The following MARCHF1 variants were observed in gnomAD, a reference collection of about 807,000 sequenced individuals.
The protein encoded by MARCHF1 is E3 ubiquitin-protein ligase MARCHF1.
Under a neutral mutation model 54.2 loss-of-function variants are expected in MARCHF1, and 40 were observed. That is an observed-to-expected ratio of 0.74 (90% CI 0.57 to 0.96). MARCHF1 has a LOEUF of 0.96. MARCHF1 is among the 40% of genes least tolerant of loss of function. MARCHF1 has a pLI of 0.00. For missense variants in MARCHF1, 586 were observed against 656.5 expected, an observed-to-expected ratio of 0.89 and a Z score of 1.17; for synonymous variants, 236 against 236.3, an observed-to-expected ratio of 1.00 and a Z score of 0.01.
intron 7 of MARCHF1, among the ~76,000 whole-genome samples, chr4:163,588,203 C>T (rs547700988): frequency 6.6e-5 from 10 of 152,292 alleles, no homozygotes; most frequent in African/African-American, 2.4e-4. Flanking sequence ...ACTTAGGAAG[C>T]AGCCACATTG....
chr4:163,922,378 C>A (rs1326154464), intron 3 of MARCHF1, among the ~76,000 whole-genome samples: 3 of 151,928 alleles, frequency 2.0e-5, no homozygotes, highest in Non-Finnish European at 4.4e-5. Context: ...ATAAAAAAAT[C>A]AATATCGTTG....
At chr4:164,367,763 TTTAA>T (rs1296361653) in intron 1 of MARCHF1, among the ~76,000 whole-genome samples, 2 of 152,030 alleles carry the variant, frequency 1.3e-5, no homozygotes, top group Admixed American at 6.6e-5. Flanking sequence ...TAAATTGAAA[TTTAA>T]TTATCTTTTT....
intron 2 of MARCHF1, among the ~76,000 whole-genome samples, chr4:164,051,190 T>C (rs143514229): frequency 2.0e-4 from 31 of 152,300 alleles, no homozygotes; most frequent in African/African-American, 7.5e-4. Context: ...ATAATGATGC[T>C]CATCTCAAAG....
intron 3 of MARCHF1, among the ~76,000 whole-genome samples, chr4:163,951,832 C>CTA (rs1271030330): frequency 4.6e-5 from 7 of 152,068 alleles, no homozygotes; most frequent in Admixed American, 1.3e-4. Flanking sequence ...TCTCAATAAG[C>CTA]TATATATGAA....
intron 8 of MARCHF1, among the ~76,000 whole-genome samples, chr4:163,548,132 G>T (rs113383284): frequency 6.6e-6 from 1 of 151,942 alleles, no homozygotes; most frequent in East Asian, 1.9e-4. Flanking sequence ...GTTTATTGTC[G>T]TATTAATCTG....
At chr4:163,586,290 A>T (rs1191398559) in intron 7 of MARCHF1, among the ~76,000 whole-genome samples, 1 of 152,212 alleles carries the variant, frequency 6.6e-6, no homozygotes, top group East Asian at 1.9e-4. Context: ...AGCGTATATG[A>T]AACATAAATG....
chr4:163,755,621 CTT>C (rs35127585), intron 4 of MARCHF1, among the ~76,000 whole-genome samples: 4,304 of 144,422 alleles, frequency 0.03, 81 homozygotes, highest in East Asian at 0.077. Flanking sequence ...GCAAAGATCC[CTT>C]TTTTTTTTTT....
chr4:163,564,715 A>C (rs1176552669), intron 8 of MARCHF1, among the ~76,000 whole-genome samples: 2 of 152,234 alleles, frequency 1.3e-5, no homozygotes, highest in African/African-American at 4.8e-5. Context: ...GGTTTTAAAA[A>C]GCTCTTTCAA....
At chr4:163,816,968 T>C (rs1748550289) in intron 4 of MARCHF1, among the ~76,000 whole-genome samples, 1 of 152,108 alleles carries the variant, frequency 6.6e-6, no homozygotes, top group Non-Finnish European at 1.5e-5. Flanking sequence ...CCTAATTTGC[T>C]TGGTGAAGGC....
At chr4:164,129,581 C>CTA in intron 1 of MARCHF1, among the ~76,000 whole-genome samples, 1 of 152,098 alleles carries the variant, frequency 6.6e-6, no homozygotes. Context: ...GCATTTCAAG[C>CTA]TATATATATT....
chr4:163,949,725 A>G (rs1485108945), intron 3 of MARCHF1, among the ~76,000 whole-genome samples: 1 of 151,702 alleles, frequency 6.6e-6, no homozygotes, highest in Non-Finnish European at 1.5e-5. Flanking sequence ...CACAGTGGGT[A>G]GCTCCTCTCT....
chr4:163,540,542 C>T (rs1043079937), intron 9 of MARCHF1, among the ~76,000 whole-genome samples: 4 of 152,150 alleles, frequency 2.6e-5, no homozygotes, highest in African/African-American at 9.7e-5. Context: ...GTAATATTCA[C>T]CATGAGTAAT....
chr4:164,238,683 G>A (rs1471288365), intron 1 of MARCHF1, among the ~76,000 whole-genome samples: 2 of 151,736 alleles, frequency 1.3e-5, no homozygotes, highest in Non-Finnish European at 2.9e-5. Flanking sequence ...AAGTTACTGA[G>A]TTTCCTACAA....
chr4:163,976,915 C>T (rs1257722369), intron 3 of MARCHF1, among the ~76,000 whole-genome samples: 1 of 152,108 alleles, frequency 6.6e-6, no homozygotes, highest in Non-Finnish European at 1.5e-5. Context: ...AGTTAAGCAT[C>T]ACACTGTGCA....
chr4:163,966,113 T>C (rs1440296024), intron 3 of MARCHF1, among the ~76,000 whole-genome samples: 1 of 152,112 alleles, frequency 6.6e-6, no homozygotes, highest in Non-Finnish European at 1.5e-5. Flanking sequence ...AGGTTATTAA[T>C]ATTTCAATTT....
intron 1 of MARCHF1, among the ~76,000 whole-genome samples, chr4:164,176,977 T>C (rs1036939398): frequency 2.7e-4 from 5 of 18,392 alleles, no homozygotes; most frequent in South Asian, 1.7e-3. Context: ...TCTCTCTCTC[T>C]CTCTATATAT....
At chr4:163,596,592 A>G (rs6536739) in intron 7 of MARCHF1, among the ~76,000 whole-genome samples, 5,477 of 148,866 alleles carry the variant, frequency 0.037, 343 homozygotes, top group African/African-American at 0.13. Flanking sequence ...ACCTCTGAGC[A>G]TTTGTTTGTC....
At chr4:163,597,440 A>G (rs1330116828) in intron 7 of MARCHF1, among the ~76,000 whole-genome samples, 1 of 152,218 alleles carries the variant, frequency 6.6e-6, no homozygotes, top group African/African-American at 2.4e-5. Flanking sequence ...AAAGCTGTGT[A>G]TGAAGTTTAA....
intron 3 of MARCHF1, among the ~76,000 whole-genome samples, chr4:163,935,055 T>A (rs1382502726): frequency 6.6e-6 from 1 of 152,114 alleles, no homozygotes; most frequent in Non-Finnish European, 1.5e-5. Flanking sequence ...AGAATCGGTG[T>A]TGTGTTAACA....
Sources: gnomAD v4.1 joint callset for allele counts (sites outside exome capture counted in the v4.1 genomes callset) on GRCh38, gnomAD v4.1.1 for gene constraint, MANE v1.5 for transcripts, NCBI Gene and HGNC (gene_info 2026-07-23, HGNC 2026-07-21) for gene names.